PARD3B: variants seen among roughly 807,000 people sequenced by gnomAD.
PARD3B encodes the protein par-3 family cell polarity regulator beta.
Under a neutral mutation model 130.2 loss-of-function variants are expected in PARD3B, and 103 were observed. The ratio of observed to expected loss-of-function variants is 0.79; its 90% CI spans 0.67 to 0.93. The LOEUF is 0.93. PARD3B is among the 40% of genes least tolerant of loss of function. PARD3B has a pLI of 0.00. For missense variants in PARD3B, 1,609 were observed against 1,499.2 expected (o/e 1.07, Z -1.21); for synonymous variants, 583 against 553.2 (o/e 1.05, Z -0.76).
chr2:205,207,643 A>G (rs1305537784), intron 15 of PARD3B, among the ~76,000 whole-genome samples: 1 of 143,828 alleles, frequency 7.0e-6, no homozygotes, highest in African/African-American at 2.7e-5. Flanking sequence ...TCCTCGACAC[A>G]TACAATCTCC....
At chr2:205,254,959 C>T (rs1042197428) in intron 16 of PARD3B, among the ~76,000 whole-genome samples, 19 of 152,032 alleles carry the variant, frequency 1.2e-4, no homozygotes, top group African/African-American at 3.6e-4. Flanking sequence ...CCACCGCGCC[C>T]GGCCGAAGTT....
intron 1 of PARD3B, among the ~76,000 whole-genome samples, chr2:204,549,107 CT>C (rs1442783328): frequency 6.6e-6 from 1 of 152,194 alleles, no homozygotes; most frequent in Non-Finnish European, 1.5e-5. Context: ...TGGGAACCCC[CT>C]GAATCAACAT....
At chr2:205,171,986 C>A (rs2035198564) in intron 11 of PARD3B, among the ~76,000 whole-genome samples, 1 of 152,176 alleles carries the variant, frequency 6.6e-6, no homozygotes, top group Non-Finnish European at 1.5e-5. Flanking sequence ...GCTCAGGACT[C>A]TAAGATTTCT....
intron 22 of PARD3B, among the ~76,000 whole-genome samples, chr2:205,557,604 GCT>G (rs1230147132): frequency 2.0e-5 from 3 of 152,114 alleles, no homozygotes; most frequent in Non-Finnish European, 2.9e-5. Context: ...ATTGCTTCAG[GCT>G]CTGTTTTCTA....
At chr2:205,505,072 G>A (rs1457175100) in intron 21 of PARD3B, among the ~76,000 whole-genome samples, 1 of 152,186 alleles carries the variant, frequency 6.6e-6, no homozygotes, top group African/African-American at 2.4e-5. Flanking sequence ...AAAAAATGAT[G>A]AGTTCATGTC....
chr2:204,592,341 C>G (rs948209462), intron 1 of PARD3B, among the ~76,000 whole-genome samples: 2 of 152,158 alleles, frequency 1.3e-5, no homozygotes, highest in African/African-American at 4.8e-5. Flanking sequence ...CTTATTTAAC[C>G]CCTATGTAAA....
chr2:205,089,584 A>C (rs10194091), intron 4 of PARD3B, among the ~76,000 whole-genome samples: 31,201 of 152,132 alleles, frequency 0.21, 3,766 homozygotes, highest in Admixed American at 0.35. Context: ...TGTCCATGGC[A>C]CTTCAGCCTA....
chr2:204,980,288 T>C (rs894121799), intron 3 of PARD3B, among the ~76,000 whole-genome samples: 2 of 152,204 alleles, frequency 1.3e-5, no homozygotes, highest in African/African-American at 4.8e-5. Context: ...AACAATGTAG[T>C]ATTTGTTTAT....
chr2:205,101,742 C>G (rs1575783875), intron 4 of PARD3B, among the ~76,000 whole-genome samples: 1 of 152,078 alleles, frequency 6.6e-6, no homozygotes, highest in Admixed American at 6.5e-5. Flanking sequence ...CATGGATGAG[C>G]TTTTGAAAAC....
At position 205,207,465 on chromosome 2, in the gene PARD3B, C is replaced by T. The variant is rs1243854901; in HGVS notation, c.2140+14145C>T. 5.4e-5 allele frequency among the ~76,000 whole-genome samples: 8 copies of T among 146,904 alleles called. No individual in the cohort carries two copies. In the South Asian group the frequency reaches 6.4e-4, roughly 12 times the overall value. ...GAAAGGATCAACAAAATTGATAGAC[C>T]GCTAGCAAGACTAATAAAGAAAAAA... is the stretch of plus-strand genomic sequence containing the variant. On this transcript the variant is annotated intron_variant, in intron 15 of 22. Transcript: ENST00000406610.
intron 18 of PARD3B, among the ~76,000 whole-genome samples, chr2:205,317,289 A>G (rs1490970223): frequency 6.6e-6 from 1 of 152,214 alleles, no homozygotes. Flanking sequence ...CAATATGTGT[A>G]TAAATTATCA....
At chr2:205,510,216 A>C (rs1035813148) in intron 21 of PARD3B, among the ~76,000 whole-genome samples, 20 of 152,204 alleles carry the variant, frequency 1.3e-4, no homozygotes, top group African/African-American at 4.6e-4. Flanking sequence ...ACATGATTAC[A>C]TGTAAAGTAC....
chr2:205,364,549 G>A (rs2044526240), intron 18 of PARD3B, among the ~76,000 whole-genome samples: 1 of 152,104 alleles, frequency 6.6e-6, no homozygotes, highest in African/African-American at 2.4e-5. Flanking sequence ...TTATTTGTGT[G>A]GAAGCTCAAG....
At chr2:204,905,859 G>C (rs1201282561) in intron 2 of PARD3B, among the ~76,000 whole-genome samples, 2 of 152,148 alleles carry the variant, frequency 1.3e-5, no homozygotes, top group African/African-American at 4.8e-5. Flanking sequence ...TAGCAAACCA[G>C]TTAGAAACCA....
At chr2:205,057,259 ATATGT>A (rs895166024) in intron 4 of PARD3B, among the ~76,000 whole-genome samples, 5 of 149,862 alleles carry the variant, frequency 3.3e-5, no homozygotes, top group Non-Finnish European at 7.4e-5. Flanking sequence ...TGTTATACGT[ATATGT>A]TATATGTATG....
chr2:205,324,164 G>A (rs369993010), intron 18 of PARD3B, among the ~76,000 whole-genome samples: 8 of 152,094 alleles, frequency 5.3e-5, no homozygotes, highest in Non-Finnish European at 7.4e-5. Context: ...GTGTTGCTAC[G>A]TCACACACTA....
At chr2:204,986,580 G>A (rs1345671964) in intron 3 of PARD3B, among the ~76,000 whole-genome samples, 1 of 152,156 alleles carries the variant, frequency 6.6e-6, no homozygotes, top group Non-Finnish European at 1.5e-5. Context: ...TTTAACGTAC[G>A]CAATTAATAC....
chr2:204,646,290 A>T (rs1237447262), intron 1 of PARD3B, among the ~76,000 whole-genome samples: 2 of 152,014 alleles, frequency 1.3e-5, no homozygotes, highest in Non-Finnish European at 2.9e-5. Context: ...ACTATCCTGA[A>T]TGTTGTGATT....
chr2:204,948,847 C>G (rs1281327872), intron 2 of PARD3B, among the ~76,000 whole-genome samples: 1 of 152,160 alleles, frequency 6.6e-6, no homozygotes, highest in East Asian at 1.9e-4. Context: ...TTATCCTTGA[C>G]AGATAATGGT....
Sources: gnomAD v4.1 joint callset for allele counts (sites outside exome capture counted in the v4.1 genomes callset) on GRCh38, gnomAD v4.1.1 for gene constraint, MANE v1.5 for transcripts, NCBI Gene and HGNC (gene_info 2026-07-23, HGNC 2026-07-21) for gene names.